FHIT: variants seen among roughly 807,000 people sequenced by gnomAD.
FHIT encodes bis(5'-adenosyl)-triphosphatase.
Under a neutral mutation model 17.9 loss-of-function variants are expected in FHIT, and 19 were observed. The ratio of observed to expected loss-of-function variants is 1.06; its 90% CI spans 0.74 to 1.56. The LOEUF (loss-of-function observed/expected upper bound fraction) is 1.56. Among genes scored for constraint, FHIT ranks in the 40% most tolerant of loss-of-function variants. The probability of loss-of-function intolerance (pLI) is 0.00; values close to 1 mark genes in which losing one functional copy is unlikely to be tolerated. For missense variants in FHIT, 248 were observed against 189.2 expected, an observed-to-expected ratio of 1.31 and a Z score of -1.82; for synonymous variants, 81 against 69.7, an observed-to-expected ratio of 1.16 and a Z score of -0.81.
intron 8 of FHIT, among the ~76,000 whole-genome samples, chr3:59,767,291 G>A (rs1701847529): frequency 6.6e-6 from 1 of 152,188 alleles, no homozygotes; most frequent in Admixed American, 6.5e-5. Context: ...CTGAGGTCAG[G>A]AGTTCGAGAC....
intron 3 of FHIT, among the ~76,000 whole-genome samples, chr3:60,964,053 C>T (rs1052539390): frequency 8.6e-5 from 13 of 152,020 alleles, no homozygotes; most frequent in Admixed American, 2.6e-4. Context: ...CCATTATTAT[C>T]GTGTGGGAGT....
At chr3:60,502,443 G>T (rs909676502) in intron 5 of FHIT, among the ~76,000 whole-genome samples, 6 of 152,080 alleles carry the variant, frequency 3.9e-5, no homozygotes, top group African/African-American at 1.5e-4. Flanking sequence ...TCATTGGCTG[G>T]TCTCCTCATT....
At chr3:60,366,142 C>T (rs1430278632) in intron 5 of FHIT, among the ~76,000 whole-genome samples, 1 of 152,112 alleles carries the variant, frequency 6.6e-6, no homozygotes, top group African/African-American at 2.4e-5. Flanking sequence ...TTGCATAGAA[C>T]TGAATTTTGG....
chr3:60,889,151 C>T (rs111368501), intron 3 of FHIT, among the ~76,000 whole-genome samples: 1,617 of 152,262 alleles, frequency 0.011, 32 homozygotes, highest in African/African-American at 0.036. Flanking sequence ...TCATTCTCCA[C>T]GCTGCATAAC....
intron 2 of FHIT, among the ~76,000 whole-genome samples, chr3:61,101,027 G>C (rs1245776828): frequency 6.6e-6 from 1 of 152,160 alleles, no homozygotes; most frequent in East Asian, 1.9e-4. Context: ...TACTCTGAAG[G>C]TAGTTTCTTT....
chr3:61,078,791 T>A (rs896079304), intron 2 of FHIT, among the ~76,000 whole-genome samples: 1 of 152,174 alleles, frequency 6.6e-6, no homozygotes, highest in African/African-American at 2.4e-5. Flanking sequence ...ATATTAATAA[T>A]TCACTCACAT....
intron 8 of FHIT, among the ~76,000 whole-genome samples, chr3:59,854,210 A>G (rs1489385735): frequency 6.6e-6 from 1 of 152,196 alleles, no homozygotes; most frequent in Non-Finnish European, 1.5e-5. Context: ...GCTGGGAAGG[A>G]AATCAATCTC....
rs890559418 is a variant in FHIT at position 60,348,155 on chromosome 3, G to T, written c.103+188705C>A. On this transcript the variant is annotated intron_variant, in intron 5 of 9. Transcript: ENST00000492590. The stretch of plus-strand genomic sequence containing the variant: ...ACTGAAAAAAAAATTGTGTCTATTT[G>T]TAATTATCTAACCACACCTAAGAAT... Among the ~76,000 whole-genome samples the T allele has an allele frequency of 1.6e-4, 24 of 152,030 alleles. 1 individual carries two copies. Among genetic ancestry groups the T allele is most frequent in the Non-Finnish European group, 2.9e-4 (20 of 67,976 alleles).
At chr3:60,068,548 G>T (rs1486439675) in intron 5 of FHIT, among the ~76,000 whole-genome samples, 1 of 152,210 alleles carries the variant, frequency 6.6e-6, no homozygotes, top group African/African-American at 2.4e-5. Context: ...TGGCAGGGAA[G>T]TGGTAGAAAC....
intron 1 of FHIT, among the ~76,000 whole-genome samples, chr3:61,217,547 A>G (rs2039719667): frequency 6.6e-6 from 1 of 152,162 alleles, no homozygotes; most frequent in Non-Finnish European, 1.5e-5. Context: ...AAATCACATA[A>G]CACCATTTAC....
At chr3:60,252,361 T>C (rs370835431) in intron 5 of FHIT, among the ~76,000 whole-genome samples, 2 of 151,962 alleles carry the variant, frequency 1.3e-5, no homozygotes, top group Non-Finnish European at 2.9e-5. Context: ...CTGGGCAACA[T>C]AGCGAAACCC....
chr3:60,336,386 T>C (rs1158924606), intron 5 of FHIT, among the ~76,000 whole-genome samples: 2 of 152,216 alleles, frequency 1.3e-5, no homozygotes, highest in East Asian at 3.8e-4. Context: ...GTAATCAGTC[T>C]CTTGAATGCC....
intron 5 of FHIT, among the ~76,000 whole-genome samples, chr3:60,207,459 T>C (rs2107508348): frequency 6.6e-6 from 1 of 152,216 alleles, no homozygotes; most frequent in South Asian, 2.1e-4. Flanking sequence ...GTATTTTTTT[T>C]CCAAACCTAA....
At chr3:60,692,098 C>G (rs2041005223) in intron 4 of FHIT, among the ~76,000 whole-genome samples, 2 of 152,284 alleles carry the variant, frequency 1.3e-5, no homozygotes, top group South Asian at 4.2e-4. Flanking sequence ...CATCCTCTAG[C>G]AGGTTTTCCA....
At chr3:59,843,075 T>A (rs1701590020) in intron 8 of FHIT, among the ~76,000 whole-genome samples, 1 of 152,190 alleles carries the variant, frequency 6.6e-6, no homozygotes, top group South Asian at 2.1e-4. Context: ...TTTTAAATTT[T>A]TATATGGTGT....
chr3:60,919,976 GT>G (rs1707195921), intron 3 of FHIT, among the ~76,000 whole-genome samples: 1 of 151,804 alleles, frequency 6.6e-6, no homozygotes, highest in Non-Finnish European at 1.5e-5. Flanking sequence ...AGAGGTTGCA[GT>G]GAGCCGAGAT....
At chr3:60,398,364 G>A (rs1344857672) in intron 5 of FHIT, among the ~76,000 whole-genome samples, 5 of 152,088 alleles carry the variant, frequency 3.3e-5, no homozygotes, top group Non-Finnish European at 7.4e-5. Flanking sequence ...ACTCATAAAG[G>A]ACAATGCCAG....
intron 5 of FHIT, among the ~76,000 whole-genome samples, chr3:60,429,377 A>G (rs1318835415): frequency 6.6e-6 from 1 of 152,120 alleles, no homozygotes; most frequent in Non-Finnish European, 1.5e-5. Context: ...ACTGTCCCAG[A>G]AAGGAGCAAG....
chr3:60,735,192 G>A (rs9990356), intron 4 of FHIT, among the ~76,000 whole-genome samples: 3,743 of 152,264 alleles, frequency 0.025, 175 homozygotes, highest in African/African-American at 0.085. Flanking sequence ...TTTACAGACA[G>A]GAAACCAGTA....
Sources: gnomAD v4.1 joint callset for allele counts (sites outside exome capture counted in the v4.1 genomes callset) on GRCh38, gnomAD v4.1.1 for gene constraint, MANE v1.5 for transcripts, NCBI Gene and HGNC (gene_info 2026-07-23, HGNC 2026-07-21) for gene names.